GSTM4: variants seen among roughly 807,000 people sequenced by gnomAD.
GSTM4 encodes the protein glutathione S-transferase mu 4.
GSTM4 carries 27 observed loss-of-function variants against 30.1 expected under a neutral mutation model. That is an observed-to-expected ratio of 0.90 (90% CI 0.66 to 1.24). The LOEUF is 1.24. GSTM4 is among the 50% of genes most tolerant of loss of function. The pLI is 0.00. For missense variants in GSTM4, 238 were observed against 272.1 expected (o/e 0.87, Z 0.88); for synonymous variants, 94 against 96.2 (o/e 0.98, Z 0.13).
Position 109,659,110 on chromosome 1 carries a change from G to A in GSTM4, c.567G>A (p.Glu189=). 6.2e-7 allele frequency: 1 copy of A among 1,614,192 alleles called. No individual in the cohort carries two copies. Among genetic ancestry groups the A allele is most frequent in the Non-Finnish European group, 8.5e-7 (1 of 1,180,050 alleles). ...PNLKDFISRF[E]GLEKISAYMK... ...TGAAGGACTTCATCTCCCGCTTTGA[G>A]GTGATGCCCCCATCCTCCTTTCTCT... Residue 189 remains glutamate, a splice_region_variant and synonymous_variant, in exon 7 of 8, where the codon GAG becomes GAA. Transcript: ENST00000369836.
In GSTM4 at chr1:109,661,524, C is replaced by T; in HGVS notation, c.*270C>T. 3.7e-6 allele frequency: 5 copies of T among 1,336,544 alleles called. No homozygotes were observed. Among genetic ancestry groups the T allele is most frequent in the Non-Finnish European group, 3.9e-6 (4 of 1,036,346 alleles). The allele number at this position is 1,336,544 out of a possible 1,614,324, so 82.8% of individuals were successfully genotyped here. A position where few individuals can be genotyped will look rare whatever the true frequency, so the allele number is the denominator to read the frequency against. The stretch of plus-strand genomic sequence containing the variant: ...TTCCCTGCACTAAAGCCAGCCTGAC[C>T]TTCCTTCCTGTTAGTGGTTGTATCT... On this transcript the variant is annotated 3_prime_UTR_variant, in exon 8 of 8. Transcript: ENST00000369836.
At position 109,656,808 on chromosome 1, in the gene GSTM4, G is replaced by C. The variant is rs778580839; in HGVS notation, c.112+21G>C. 1.9e-6 allele frequency: 3 copies of C among 1,609,730 alleles called. No homozygotes were observed. In the South Asian group the frequency reaches 3.3e-5, roughly 18 times the overall value. On this transcript the variant is annotated intron_variant, in intron 2 of 7. Coordinates refer to ENST00000369836, the MANE Select transcript of GSTM4 (RefSeq NM_000850.5). ...GGACGGTAATGACACCCTTGTGTCC[G>C]GGCTCTGCCCACTCACGCTGAGTTG...
intron 3 of GSTM4, 152 bp from the exon 4 acceptor site, chr1:109,657,438 G>A: frequency 7.0e-7 from 1 of 1,433,412 alleles, no homozygotes; most frequent in Non-Finnish European, 9.8e-7. Context: ...CTGTGTCCCA[G>A]CTCATTTGTT....
chr1:109,660,763 C>G, intron 7 of GSTM4: 1 of 213,704 alleles, frequency 4.7e-6, no homozygotes, highest in Non-Finnish European at 9.4e-6. Context: ...CAGAACCAGT[C>G]TACGTTGCAG....
chr1:109,665,304 G>A, downstream of GSTM4: 1 of 549,206 alleles, frequency 1.8e-6, no homozygotes. Context: ...CTTCAGACTT[G>A]ATCAGGGACT....
downstream of GSTM4, among the ~76,000 whole-genome samples, chr1:109,663,795 T>A (rs1570623611): frequency 6.6e-6 from 1 of 152,388 alleles, no homozygotes; most frequent in East Asian, 1.9e-4. Context: ...TCATAAGATG[T>A]CAACGTCCTC....
At chr1:109,664,241 A>G (rs1647219755), downstream of GSTM4, among the ~76,000 whole-genome samples, 1 of 145,510 alleles carries the variant, frequency 6.9e-6, no homozygotes, top group Admixed American at 7.2e-5. Context: ...GTTTTTGGGT[A>G]CTTTATTTGA....
chr1:109,661,670 C>T lies in GSTM4; in HGVS notation c.*416C>T. The stretch of plus-strand genomic sequence containing the variant: ...CCTGCAGCATGGCCCCTGCCTTAGG[C>T]CTACCTGATCAAAATAAAGCCTCAG... On this transcript the variant is annotated 3_prime_UTR_variant, in exon 8 of 8. Transcript: ENST00000369836. 1 of 1,119,892 alleles carries T rather than the reference C, an allele frequency of 8.9e-7. No homozygotes were observed. The highest frequency in any genetic ancestry group is 1.6e-5 in the African/African-American group (1 of 62,492). 69.4% of individuals were successfully genotyped at this position (1,119,892 alleles called of 1,614,324 possible).
Position 109,661,483 on chromosome 1 carries a change from C to A in GSTM4, c.*229C>A. ...ACCCACTTTCCTTCATGAACATCCC[C>A]CTCCCAACACTACCCTTCCCTGCAC... On this transcript the variant is annotated 3_prime_UTR_variant, in exon 8 of 8. Coordinates refer to ENST00000369836, the MANE Select transcript of GSTM4 (RefSeq NM_000850.5). 1 of 1,396,572 alleles carries A rather than the reference C, an allele frequency of 7.2e-7. No individual in the cohort carries two copies. The highest frequency in any genetic ancestry group is 9.3e-7 in the Non-Finnish European group (1 of 1,070,636). The allele number at this position is 1,396,572 out of a possible 1,614,324, so 86.5% of individuals were successfully genotyped here. A position where few individuals can be genotyped will look rare whatever the true frequency, so the allele number is the denominator to read the frequency against.
In GSTM4 at chr1:109,661,177, A is replaced by T. The variant is rs1323550069; in HGVS notation, c.580A>T (p.Ile194Phe). Residue 194 changes from isoleucine (I) to phenylalanine (F), a missense_variant, in exon 8 of 8, where the codon ATC becomes TTC. Transcript: ENST00000369836. ...TCCCCCCTCTCAGGGCTTGGAGAAGATCTCTGCCTACATGAAGTCCAGCCG... is the reference window on the plus strand; with the variant it reads ...TCCCCCCTCTCAGGGCTTGGAGAAGTTCTCTGCCTACATGAAGTCCAGCCG... The part of the protein sequence containing the change: ...FISRFEGLEK[I>F]SAYMKSSRFL... 1.2e-6 allele frequency: 2 copies of T among 1,612,320 alleles called. No homozygotes were observed. The highest frequency in any genetic ancestry group is 2.2e-5 in the South Asian group (2 of 91,080).
downstream of GSTM4, among the ~76,000 whole-genome samples, chr1:109,666,973 T>C (rs1647347488): frequency 6.6e-6 from 1 of 152,134 alleles, no homozygotes; most frequent in Non-Finnish European, 1.5e-5. Context: ...TCAGCAGTAC[T>C]GTCATTTTGG....
chr1:109,661,773 GCT>G, downstream of GSTM4: 1 of 929,272 alleles, frequency 1.1e-6, no homozygotes, highest in Non-Finnish European at 1.3e-6. Flanking sequence ...TGAGGGACTG[GCT>G]GGTGACCCTG....
intron 1 of GSTM4, 119 bp from the exon 2 acceptor site, chr1:109,656,593 T>TGTGA: frequency 1.8e-6 from 1 of 556,738 alleles, no homozygotes. Context: ...TGTGTGTGCG[T>TGTGA]GCGCCGGGGT....
rs1263662592 is a variant in GSTM4 at position 109,657,803 on chromosome 1, G to A, written c.291G>A (p.Val97=). Residue 97 remains valine (V), a synonymous_variant, in exon 5 of 8, where the codon GTG becomes GTA. Coordinates refer to ENST00000369836, the MANE Select transcript of GSTM4 (RefSeq NM_000850.5). The part of the protein sequence containing the change: ...CGETEEEKIR[V]DILENQAMDV... The stretch of plus-strand genomic sequence containing the variant: ...AGACAGAAGAGGAGAAGATTCGTGT[G>A]GACATTTTGGAGAACCAGGCTATGG... The A allele has an allele frequency of 1.9e-6, 3 of 1,614,142 alleles. No individual in the cohort carries two copies. Among genetic ancestry groups the A allele is most frequent in the Non-Finnish European group, 2.5e-6 (3 of 1,180,018 alleles).
At chr1:109,658,052 A>C in intron 5 of GSTM4, 180 bp downstream of exon 5, 1 of 607,064 alleles carries the variant, frequency 1.6e-6, no homozygotes, top group Non-Finnish European at 2.9e-6. Context: ...CCCACCAATC[A>C]TAGGAAGTCC....
At chr1:109,665,431 A>G (rs1647283973), downstream of GSTM4, 1 of 217,816 alleles carries the variant, frequency 4.6e-6, no homozygotes, top group Admixed American at 5.2e-5. Flanking sequence ...TCTTCACTCC[A>G]AAATTGTGTG....
chr1:109,663,518 C>G (rs549149069), downstream of GSTM4, among the ~76,000 whole-genome samples: 7 of 152,152 alleles, frequency 4.6e-5, no homozygotes, highest in South Asian at 1.2e-3. Flanking sequence ...ATACAAAAAT[C>G]AGCCAGGCGT....
Position 109,661,181 on chromosome 1 carries a change from C to G in GSTM4, c.584C>G (p.Ser195Cys). 6.2e-7 allele frequency: 1 copy of G among 1,612,452 alleles called. No individual in the cohort carries two copies. Among genetic ancestry groups the G allele is most frequent in the Non-Finnish European group, 8.5e-7 (1 of 1,179,690 alleles). ...CCCTCTCAGGGCTTGGAGAAGATCTCTGCCTACATGAAGTCCAGCCGCTTC... is the reference window on the plus strand; with the variant it reads ...CCCTCTCAGGGCTTGGAGAAGATCTGTGCCTACATGAAGTCCAGCCGCTTC... The part of the protein sequence containing the change: ...ISRFEGLEKI[S>C]AYMKSSRFLP... The change falls in exon 8 of 8, where the codon TCT becomes TGT. Residue 195 changes from serine to cysteine, a missense_variant. Transcript: ENST00000369836.
At chr1:109,657,144 T>C (rs1382815988) in intron 2 of GSTM4, 71 bp from the exon 3 acceptor site, 1 of 1,553,712 alleles carries the variant, frequency 6.4e-7, no homozygotes, top group East Asian at 2.2e-5. Context: ...CACTGGTTCC[T>C]TGGGAGGGTC....
Sources: allele counts gnomAD v4.1 joint callset (sites outside exome capture counted in the v4.1 genomes callset), GRCh38; gene constraint gnomAD v4.1.1; transcripts MANE v1.5; gene names NCBI Gene and HGNC (gene_info 2026-07-23, HGNC 2026-07-21).